The following TDRD9 variants were observed in gnomAD, a reference collection of about 807,000 sequenced individuals.
TDRD9 encodes ATP-dependent RNA helicase TDRD9.
Under a neutral mutation model 172.6 loss-of-function variants are expected in TDRD9, and 124 were observed. That is an observed-to-expected ratio of 0.72 (90% CI 0.62 to 0.83). The LOEUF (loss-of-function observed/expected upper bound fraction) is 0.83. Ranked by LOEUF, TDRD9 falls within the 40% of genes least tolerant of loss-of-function variation. TDRD9 has a pLI of 0.00. For missense variants in TDRD9, 1,479 were observed against 1,714.1 expected, an observed-to-expected ratio of 0.86 and a Z score of 2.42; for synonymous variants, 619 against 617.1, an observed-to-expected ratio of 1.00 and a Z score of -0.05.
chr14:103,969,891 A>G (rs2152152440), intron 5 of TDRD9, among the ~76,000 whole-genome samples: 1 of 152,130 alleles, frequency 6.6e-6, no homozygotes, highest in Non-Finnish European at 1.5e-5. Context: ...GAGGGCTGCA[A>G]GGTCTGTCTG....
intron 13 of TDRD9, 101 bp from the exon 14 acceptor site, chr14:104,004,137 G>A: frequency 3.7e-6 from 2 of 541,352 alleles, no homozygotes; most frequent in Non-Finnish European, 6.9e-6. Context: ...GATACTTAAG[G>A]CTTTGCTTAA....
Position 104,004,299 on chromosome 14 carries a change from C to A in TDRD9, c.1545C>A (p.Asp515Glu), listed in dbSNP as rs750221711. The change falls in exon 14 of 36, where the codon GAC (aspartate) becomes GAA (glutamate). Residue 515 changes from aspartate to glutamate, a missense_variant. Asp to Glu is a conservative substitution (Grantham distance 45, BLOSUM62 2). Around this residue, in one of 3 missense-constraint regions of TDRD9, gnomAD observed 1,413 missense variants for 1,649.1 expected, o/e 0.86. Coordinates refer to ENST00000409874, the MANE Select transcript of TDRD9 (RefSeq NM_153046.3). The part of the protein sequence containing the change: ...CYRLVHKDFW[D>E]NSIPDHVVPE... Reference sequence around the variant, plus strand: ...GGCTGGTACACAAGGATTTCTGGGACAACTCCATCCCTGATCATGTTGTTC... The same window carrying A: ...GGCTGGTACACAAGGATTTCTGGGAAAACTCCATCCCTGATCATGTTGTTC... 29 of 1,603,776 alleles carry A rather than the reference C, an allele frequency of 1.8e-5. No individual in the cohort carries two copies. The highest frequency in any genetic ancestry group is 2.4e-5 in the Non-Finnish European group (28 of 1,172,482).
In TDRD9 at chr14:103,975,447, C is replaced by G. The variant is rs570280367; in HGVS notation, c.905C>G (p.Pro302Arg). The G allele has an allele frequency of 2.5e-6, 4 of 1,613,860 alleles. No homozygotes were observed. Among genetic ancestry groups the G allele is most frequent in the Non-Finnish European group, 3.4e-6 (4 of 1,179,842 alleles). ...CKEFADYFAV[P>R]VQNKMNPAYI... is the part of the protein sequence containing the mutation. Reference sequence around the variant, plus strand: ...GAGTTTGCAGACTACTTTGCTGTTCCTGTTCAAAACAAGATGAATCCTGCA... The same window carrying G: ...GAGTTTGCAGACTACTTTGCTGTTCGTGTTCAAAACAAGATGAATCCTGCA... Residue 302 changes from proline to arginine, a missense_variant, in exon 7 of 36, where the codon CCT (proline) becomes CGT (arginine). Pro to Arg is a moderately radical substitution (Grantham distance 103). Transcript: ENST00000409874.
intron 7 of TDRD9, among the ~76,000 whole-genome samples, chr14:103,978,348 A>T (rs1258612482): frequency 6.6e-6 from 1 of 152,196 alleles, no homozygotes; most frequent in Non-Finnish European, 1.5e-5. Flanking sequence ...TGGGAGGCCA[A>T]GGTGGGCCGA....
intron 1 of TDRD9, among the ~76,000 whole-genome samples, chr14:103,943,571 T>C (rs973707728): frequency 6.6e-5 from 10 of 150,930 alleles, no homozygotes; most frequent in Non-Finnish European, 1.3e-4. Flanking sequence ...GGCTGGTCCG[T>C]AAACTGGGCT....
intron 13 of TDRD9, among the ~76,000 whole-genome samples, chr14:104,001,197 G>A (rs1313070884): frequency 6.6e-6 from 1 of 152,220 alleles, no homozygotes; most frequent in African/African-American, 2.4e-5. Flanking sequence ...GCTATGCAGG[G>A]GTGGCCCTGT....
At chr14:104,008,795 T>C (rs1260242133) in intron 20 of TDRD9, among the ~76,000 whole-genome samples, 1 of 152,178 alleles carries the variant, frequency 6.6e-6, no homozygotes, top group Non-Finnish European at 1.5e-5. Context: ...ACACCTGTAG[T>C]CCCAGCTTCT....
intron 33 of TDRD9, among the ~76,000 whole-genome samples, chr14:104,040,582 G>A (rs28680729): frequency 2.4e-4 from 36 of 152,328 alleles, no homozygotes; most frequent in African/African-American, 8.2e-4. Context: ...CTCATTTGGT[G>A]TCTCCTGGCA....
At chr14:103,987,119 T>TAG (rs2033691166) in intron 8 of TDRD9, among the ~76,000 whole-genome samples, 1 of 128,220 alleles carries the variant, frequency 7.8e-6, no homozygotes, top group Non-Finnish European at 1.6e-5. Context: ...TCTCAAAAAA[T>TAG]ATATACACAC....
chr14:103,966,754 A>T lies in TDRD9; in HGVS notation c.688A>T (p.Met230Leu), dbSNP rs1280149493. The change falls in exon 5 of 36, where the codon ATG (methionine) becomes TTG (leucine). Residue 230 changes from methionine (M) to leucine (L), a missense_variant. Around this residue, in one of 3 missense-constraint regions of TDRD9, gnomAD observed 1,413 missense variants for 1,649.1 expected, o/e 0.86. Coordinates refer to ENST00000409874, the MANE Select transcript of TDRD9 (RefSeq NM_153046.3). ...IATEDTRLIYMTTGVLLQKIV... is the reference protein window; with the variant it reads ...IATEDTRLIYLTTGVLLQKIV... The stretch of plus-strand genomic sequence containing the variant: ...AACAGAGGACACCAGGCTAATTTAT[A>T]TGACAACTGGAGTCCTGCTTCAGAA... The T allele has an allele frequency of 1.3e-6, 2 of 1,551,052 alleles. No individual in the cohort carries two copies. The highest frequency in any genetic ancestry group is 2.0e-5 in the Admixed American group (1 of 50,972).
At chr14:103,949,969 C>A (rs1241207471) in intron 1 of TDRD9, among the ~76,000 whole-genome samples, 1 of 148,676 alleles carries the variant, frequency 6.7e-6, no homozygotes, top group Non-Finnish European at 1.5e-5. Flanking sequence ...AGCCACCATG[C>A]CCGGCCAGCT....
intron 31 of TDRD9, among the ~76,000 whole-genome samples, chr14:104,034,589 G>A (rs1596015760): frequency 6.6e-6 from 1 of 152,202 alleles, no homozygotes; most frequent in East Asian, 1.9e-4. Flanking sequence ...GATGTGGGAA[G>A]TATTAATAAT....
chr14:103,959,261 G>C (rs146920081), intron 2 of TDRD9, among the ~76,000 whole-genome samples: 1 of 152,188 alleles, frequency 6.6e-6, no homozygotes, highest in Non-Finnish European at 1.5e-5. Context: ...GCAGAGAGGT[G>C]CTGTCCACTT....
At position 103,998,681 on chromosome 14, in the gene TDRD9, GTC is replaced by G; in HGVS notation, c.1438_1439del (p.Leu480AlafsTer7). The G allele has an allele frequency of 2.5e-6, 4 of 1,611,590 alleles. No individual in the cohort carries two copies. The highest frequency in any genetic ancestry group is 3.4e-6 in the Non-Finnish European group (4 of 1,177,822). On this transcript the variant is annotated frameshift_variant, in exon 13 of 36. Transcript: ENST00000409874. LOFTEE classifies it high-confidence loss of function. ...TGTGATGAAGATACAAATTATCAGA[GTC>G]TGCGATTGAGTTGGGCTTCTAAAAC... is the stretch of plus-strand genomic sequence containing the variant.
At chr14:104,041,494 A>G (rs2035610202) in intron 33 of TDRD9, among the ~76,000 whole-genome samples, 1 of 152,278 alleles carries the variant, frequency 6.6e-6, no homozygotes, top group Non-Finnish European at 1.5e-5. Flanking sequence ...AAGGACTTGT[A>G]TCCACAATAT....
At chr14:103,982,877 GACA>G (rs2033529412) in intron 7 of TDRD9, among the ~76,000 whole-genome samples, 1 of 152,190 alleles carries the variant, frequency 6.6e-6, no homozygotes, top group South Asian at 2.1e-4. Context: ...CTCCAGCCTG[GACA>G]ACAAGAGCGA....
rs1302157431 is a variant in TDRD9, at chr14:103,955,672, G to C, written c.224G>C (p.Ser75Thr). 4 of 1,550,688 alleles carry C rather than the reference G, an allele frequency of 2.6e-6. No homozygotes were observed. Among genetic ancestry groups the C allele is most frequent in the Non-Finnish European group, 1.7e-6 (2 of 1,146,498 alleles). ...TTTACTATTCTTTTCAGGTCACTCA[G>C]CCAAAGGAGCTCAGAAGTAGAGTAT... ...RPAAAFERSL[S>T]QRSSEVEYIN... is the part of the protein sequence containing the mutation. The change falls in exon 2 of 36, where the codon AGC (serine) becomes ACC (threonine). Residue 75 changes from serine to threonine, a missense_variant. Ser to Thr is a moderately conservative substitution (Grantham distance 58). Transcript: ENST00000409874.
chr14:104,049,736 C>T, intron 35 of TDRD9, 56 bp downstream of exon 35: 1 of 1,448,512 alleles, frequency 6.9e-7, no homozygotes, highest in Non-Finnish European at 9.5e-7. Context: ...AGGGGACAGG[C>T]CCTGGGCAGA....
intron 2 of TDRD9, among the ~76,000 whole-genome samples, chr14:103,961,538 G>T (rs2032509458): frequency 6.6e-6 from 1 of 151,598 alleles, no homozygotes; most frequent in African/African-American, 2.4e-5. Context: ...ACTCCAGCCT[G>T]GGGGACAGAG....
Sources: gnomAD v4.1 joint callset for allele counts (sites outside exome capture counted in the v4.1 genomes callset) on GRCh38, gnomAD v4.1.1 for gene constraint, gnomAD v4.1.1 regional missense constraint, MANE v1.5 for transcripts, NCBI Gene and HGNC (gene_info 2026-07-23, HGNC 2026-07-21) for gene names.